The following HOOK2 variants were observed in gnomAD, a reference collection of about 807,000 sequenced individuals.
HOOK2 encodes hook microtubule tethering protein 2.
HOOK2 carries 108 observed loss-of-function variants against 111.9 expected under a neutral mutation model. The ratio of observed to expected loss-of-function variants is 0.96; its 90% CI spans 0.83 to 1.13. The LOEUF is 1.13. Ranked by LOEUF, HOOK2 falls within the 50% of genes most tolerant of loss-of-function variation. HOOK2 has a pLI of 0.00. For synonymous variants in HOOK2, 405 were observed against 394.3 expected (o/e 1.03, Z -0.32); for missense variants, 978 against 951.3 (o/e 1.03, Z -0.37).
chr19:12,771,020 C>T lies in HOOK2; in HGVS notation c.814G>A (p.Glu272Lys). 6.2e-7 allele frequency: 1 copy of T among 1,613,194 alleles called. No individual in the cohort carries two copies. Among genetic ancestry groups the T allele is most frequent in the Non-Finnish European group, 8.5e-7 (1 of 1,179,686 alleles). Residue 272 changes from glutamate (E) to lysine (K), a missense_variant, in exon 10 of 23, where the codon GAG (glutamate) becomes AAG (lysine). Around this residue, in one of 5 missense-constraint regions of HOOK2, gnomAD observed 388 missense variants for 358.3 expected, o/e 1.08. Transcript: ENST00000397668. ...ERLRCAELER[E>K]VAELQHRNQA... ...TTCCGGTGCTGCAGCTCCGCAACCT[C>T]CCTCTCCAGCTCGGCACAGCGCAGG... is the stretch of plus-strand genomic sequence containing the variant.
Position 12,791,604 on chromosome 19 carries a change from G to A in HOOK2, n.42-17379C>T, listed in dbSNP as rs895664528. The stretch of plus-strand genomic sequence containing the variant: ...CGACGGGGGCTCGGGAAGCCTGACA[G>A]GGCTTTTGCGCACAGCTGCCGGCTG... On this transcript the variant is annotated intron_variant and non_coding_transcript_variant, in intron 3 of 3. Coordinates refer to the HOOK2 transcript ENST00000589765. This position sits in a 1 kb window ranked among gnomAD's most constrained non-coding sequence, Gnocchi z 7.0. The A allele has an allele frequency of 1.9e-6, 1 of 533,642 alleles. No homozygotes were observed. Among genetic ancestry groups the A allele is most frequent in the Non-Finnish European group, 3.2e-6 (1 of 308,602 alleles). 33.1% of individuals were successfully genotyped at this position (533,642 alleles called of 1,614,324 possible). A position where few individuals can be genotyped will look rare whatever the true frequency, so the allele number is the denominator to read the frequency against.
At position 12,765,599 on chromosome 19, in the gene HOOK2, A is replaced by T. The variant is rs1160238579; in HGVS notation, c.1640+91T>A. 2.0e-6 allele frequency: 3 copies of T among 1,513,058 alleles called. No homozygotes were observed. The Admixed American group carries it at 5.0e-5, about 25-fold the overall frequency. 93.7% of individuals were successfully genotyped at this position (1,513,058 alleles called of 1,614,324 possible). On this transcript the variant is annotated intron_variant, in intron 18 of 22. Coordinates refer to ENST00000397668, the MANE Select transcript of HOOK2 (RefSeq NM_013312.3). ...CCCGTCTCTACTAAAAATATAAAAA[A>T]TCAGCCAGGCATGGTGGCACATGCC...
In HOOK2 at chr19:12,791,795, C is replaced by T. The variant is rs1409177111; in HGVS notation, n.42-17570G>A. 2.0e-5 allele frequency: 33 copies of T among 1,612,318 alleles called. No homozygotes were observed. Among genetic ancestry groups the T allele is most frequent in the Non-Finnish European group, 2.6e-5 (31 of 1,178,886 alleles). On this transcript the variant is annotated intron_variant and non_coding_transcript_variant, in intron 3 of 3. Transcript: ENST00000589765. The surrounding 1 kb of genome is among the most constrained non-coding windows in gnomAD (Gnocchi z 7.0). Reference sequence around the variant, plus strand: ...GGATGTGCACTAAAATGGAACAGCCCTTCTACCACGACGACTCATACACAG... The same window carrying T: ...GGATGTGCACTAAAATGGAACAGCCTTTCTACCACGACGACTCATACACAG...
In HOOK2 at chr19:12,772,804, C is replaced by T; in HGVS notation, c.364G>A (p.Ala122Thr). The change falls in exon 5 of 23, where the codon GCC becomes ACC. Residue 122 changes from alanine to threonine, a missense_variant. Physicochemically the swap from Ala to Thr is moderately conservative, Grantham distance 58. Transcript: ENST00000397668. ...CCCTGCTTTTTCTCGCAACTGATGG[C>T]ACAGCCCAGCACCAGCTGAAGCAGC... ...GKLLQLVLGCAISCEKKQDHI... is the reference protein window; with the variant it reads ...GKLLQLVLGCTISCEKKQDHI... 1 of 1,614,184 alleles carries T rather than the reference C, an allele frequency of 6.2e-7. No individual in the cohort carries two copies. Among genetic ancestry groups the T allele is most frequent in the South Asian group, 1.1e-5 (1 of 91,088 alleles).
At chr19:12,775,137 G>GC (rs777771967) in intron 1 of HOOK2, 22 of 958,250 alleles carry the variant, frequency 2.3e-5, no homozygotes, top group Non-Finnish European at 2.7e-5. Context: ...AGTCACCTGG[G>GC]CCCCACAGGC....
intron 6 of HOOK2, 73 bp from the exon 7 acceptor site, chr19:12,772,325 C>G: frequency 6.7e-7 from 1 of 1,487,564 alleles, no homozygotes; most frequent in South Asian, 1.1e-5. Flanking sequence ...ACTATCCAAC[C>G]TGAGAACCTC....
intron 1 of HOOK2, 57 bp downstream of exon 1, chr19:12,775,348 G>A (rs1968469296): frequency 1.9e-6 from 3 of 1,589,946 alleles, no homozygotes; most frequent in Non-Finnish European, 1.7e-6. Context: ...CAGGGCCAGG[G>A]ATCCCGGGCA....
intron 14 of HOOK2, 106 bp from the exon 15 acceptor site, chr19:12,766,346 G>A (rs1968146192): frequency 1.5e-6 from 2 of 1,355,628 alleles, no homozygotes; most frequent in Non-Finnish European, 1.9e-6. Flanking sequence ...CTGGGGAAGA[G>A]CCCAGCCAGA....
chr19:12,772,306 A>G (rs943093553), intron 6 of HOOK2, 54 bp from the exon 7 acceptor site: 3 of 1,565,754 alleles, frequency 1.9e-6, no homozygotes, highest in Non-Finnish European at 2.6e-6. Context: ...GCCAGCCTTC[A>G]AAGTATCTAC....
At chr19:12,774,518 G>C (rs1469050247) in intron 3 of HOOK2, 151 bp downstream of exon 3, 1 of 751,166 alleles carries the variant, frequency 1.3e-6, no homozygotes, top group Non-Finnish European at 2.3e-6. Context: ...CTGGCACAGG[G>C]TGAGTACTCC....
At chr19:12,776,561 T>G (rs1968517034), upstream of HOOK2, among the ~76,000 whole-genome samples, 3 of 150,676 alleles carry the variant, frequency 2.0e-5, no homozygotes, top group Admixed American at 2.0e-4. Flanking sequence ...CACGCCTGAT[T>G]TCAGCTACTC....
rs1166714400 is a variant in HOOK2, at chr19:12,774,707, C to A, written c.166G>T (p.Gly56Cys). 1 of 1,614,038 alleles carries A rather than the reference C, an allele frequency of 6.2e-7. No homozygotes were observed. Among genetic ancestry groups the A allele is most frequent in the Non-Finnish European group, 8.5e-7 (1 of 1,180,032 alleles). Residue 56 changes from glycine to cysteine, a missense_variant, in exon 3 of 23, where the codon GGC becomes TGC. Transcript: ENST00000397668. ...TTGGGACCTGGATCTTCCGAGATGCCCTGGAGCCATGCCTCGTTGAACCAG... is the reference window on the plus strand; with the variant it reads ...TTGGGACCTGGATCTTCCGAGATGCACTGGAGCCATGCCTCGTTGAACCAG... ...PSWFNEAWLQ[G>C]ISEDPGPNWK...
At chr19:12,766,308 A>T (rs1015542633) in intron 14 of HOOK2, 68 bp from the exon 15 acceptor site, 206 of 1,459,306 alleles carry the variant, frequency 1.4e-4, no homozygotes, top group Non-Finnish European at 1.5e-4. Flanking sequence ...GGGCTCAGGG[A>T]GAGTGGAGCT....
upstream of HOOK2, among the ~76,000 whole-genome samples, chr19:12,782,536 G>A (rs1968613664): frequency 1.3e-5 from 2 of 152,230 alleles, no homozygotes; most frequent in African/African-American, 2.4e-5. Flanking sequence ...TTGCGGGGGC[G>A]CGTGCGTCGT....
intron 3 of HOOK2, among the ~76,000 whole-genome samples, chr19:12,789,488 C>T (rs1356153081): frequency 6.6e-6 from 1 of 152,162 alleles, no homozygotes; most frequent in Non-Finnish European, 1.5e-5. Context: ...AGGATGGGAC[C>T]TGCAGACTAA....
intron 14 of HOOK2, among the ~76,000 whole-genome samples, chr19:12,766,800 G>A (rs902368916): frequency 6.6e-6 from 1 of 152,156 alleles, no homozygotes; most frequent in Non-Finnish European, 1.5e-5. Context: ...AGCCAGGATG[G>A]TCTCGATCTC....
chr19:12,772,318 A>C (rs373749671), intron 6 of HOOK2, 66 bp from the exon 7 acceptor site: 1 of 1,524,276 alleles, frequency 6.6e-7, no homozygotes, highest in East Asian at 2.2e-5. Flanking sequence ...AGTATCTACT[A>C]TCCAACCTGA....
chr19:12,768,378 AG>A (rs1464261081), intron 11 of HOOK2, among the ~76,000 whole-genome samples: 1 of 152,076 alleles, frequency 6.6e-6, no homozygotes, highest in Non-Finnish European at 1.5e-5. Context: ...TACAGGTGTG[AG>A]CCGTTGCACC....
chr19:12,785,792 C>T (rs1330169166), intron 3 of HOOK2, among the ~76,000 whole-genome samples: 1 of 152,158 alleles, frequency 6.6e-6, no homozygotes, highest in East Asian at 1.9e-4. Context: ...CACTGGACAC[C>T]CCAGTCTGTC....
Sources: allele counts gnomAD v4.1 joint callset (sites outside exome capture counted in the v4.1 genomes callset), GRCh38; gene constraint gnomAD v4.1.1; regional missense constraint gnomAD v4.1.1; non-coding constraint Gnocchi (gnomAD v3.1); transcripts MANE v1.5; gene names NCBI Gene and HGNC (gene_info 2026-07-23, HGNC 2026-07-21).